Variants in ANO6 observed in about 807,000 individuals in gnomAD.
The protein encoded by ANO6 is anoctamin 6.
A neutral mutation model predicts 117.5 loss-of-function variants in ANO6; 106 were observed. That is an observed-to-expected ratio of 0.90 (90% CI 0.77 to 1.06). ANO6 has a LOEUF of 1.06. Among genes scored for constraint, ANO6 ranks in the 50% least tolerant of loss-of-function variants. The pLI is 0.00. For synonymous variants in ANO6, 367 were observed against 385.1 expected (o/e 0.95, Z 0.55); for missense variants, 955 against 1,121.1 (o/e 0.85, Z 2.12).
chr12:45,248,709 C>G (rs1227549913), intron 1 of ANO6, among the ~76,000 whole-genome samples: 1 of 152,038 alleles, frequency 6.6e-6, no homozygotes, highest in Non-Finnish European at 1.5e-5. Context: ...TGAGCCTCCA[C>G]GCCTGGCACA....
At chr12:45,398,607 A>T (rs1253243715) in intron 12 of ANO6, among the ~76,000 whole-genome samples, 2 of 152,230 alleles carry the variant, frequency 1.3e-5, no homozygotes, top group African/African-American at 4.8e-5. Context: ...GTATATATTT[A>T]TATACACACA....
At chr12:45,340,417 G>C (rs1326993862) in intron 3 of ANO6, among the ~76,000 whole-genome samples, 4 of 152,096 alleles carry the variant, frequency 2.6e-5, no homozygotes, top group African/African-American at 9.7e-5. Flanking sequence ...AATTCTAGTA[G>C]GTTAAAAAAT....
chr12:45,351,434 GGCAGGGCTGAGGAT>G (rs2137457492), intron 7 of ANO6, among the ~76,000 whole-genome samples: 1 of 152,256 alleles, frequency 6.6e-6, no homozygotes, highest in Admixed American at 6.5e-5. Flanking sequence ...ACGTTGTTTG[GGCAGGGCTGAGGAT>G]TCTGGCTTGT....
intron 19 of ANO6, among the ~76,000 whole-genome samples, chr12:45,438,398 C>A (rs1272672958): frequency 2.6e-5 from 4 of 152,018 alleles, no homozygotes; most frequent in Non-Finnish European, 5.9e-5. Context: ...CATCCCAAAT[C>A]CAAAAATCTG....
chr12:45,223,475 T>C (rs1469790863), intron 1 of ANO6, among the ~76,000 whole-genome samples: 1 of 152,166 alleles, frequency 6.6e-6, no homozygotes, highest in East Asian at 1.9e-4. Flanking sequence ...AAACACTTAG[T>C]GTTTTTCTGC....
intron 1 of ANO6, among the ~76,000 whole-genome samples, chr12:45,288,483 A>C (rs568265546): frequency 6.6e-6 from 1 of 152,322 alleles, no homozygotes; most frequent in Non-Finnish European, 1.5e-5. Context: ...TATATGTGGA[A>C]TCCTACATTC....
chr12:45,354,980 TCAATAAA>T lies in ANO6; in HGVS notation c.864-2307_864-2301del, dbSNP rs1193435885. ...ATAGGTGATGCATAAAACTGAAAAATCAATAAACAGCACTTCTCGCATGTTATTTAGA... is the reference window on the plus strand; with the variant it reads ...ATAGGTGATGCATAAAACTGAAAAATCAGCACTTCTCGCATGTTATTTAGA... On this transcript the variant is annotated intron_variant, in intron 7 of 19. Transcript: ENST00000320560. Among the ~76,000 whole-genome samples, 10 of 152,138 alleles carry T rather than the reference TCAATAAA, an allele frequency of 6.6e-5. No individual in the cohort carries two copies. In the East Asian group the frequency reaches 1.7e-3, roughly 26 times the overall value.
At chr12:45,425,842 A>G (rs1399595943) in intron 19 of ANO6, among the ~76,000 whole-genome samples, 1 of 152,236 alleles carries the variant, frequency 6.6e-6, no homozygotes, top group African/African-American at 2.4e-5. Context: ...AACCCTATTC[A>G]TTACATAGAT....
At chr12:45,339,244 A>T (rs1468660491) in intron 3 of ANO6, among the ~76,000 whole-genome samples, 1 of 152,042 alleles carries the variant, frequency 6.6e-6, no homozygotes, top group Non-Finnish European at 1.5e-5. Flanking sequence ...TTAAAAATAG[A>T]TTGTCCAGGC....
Position 45,301,438 on chromosome 12 carries a change from G to GA in ANO6, c.71-567dup, listed in dbSNP as rs546954097. On this transcript the variant is annotated intron_variant, in intron 1 of 19. Coordinates refer to ENST00000320560, the MANE Select transcript of ANO6 (RefSeq NM_001025356.3). ...TAGGGATACCCCTGTCTCTACAAAA[G>GA]AAAAAAAAATGTTTTTTAATGTTTT... Among the ~76,000 whole-genome samples the GA allele has an allele frequency of 9.7e-3, 1,443 of 149,398 alleles. 23 individuals carry two copies. Among genetic ancestry groups the GA allele is most frequent in the African/African-American group, 0.033 (1,324 of 40,614 alleles).
intron 2 of ANO6, among the ~76,000 whole-genome samples, chr12:45,319,211 C>T (rs1394477341): frequency 6.6e-6 from 1 of 152,124 alleles, no homozygotes; most frequent in Non-Finnish European, 1.5e-5. Flanking sequence ...AAAGGGAATG[C>T]TTCCAGTTTT....
Position 45,416,833 on chromosome 12 carries a change from G to C in ANO6, c.2146G>C (p.Glu716Gln). The C allele has an allele frequency of 6.2e-7, 1 of 1,614,168 alleles. No individual in the cohort carries two copies. The highest frequency in any genetic ancestry group is 8.5e-7 in the Non-Finnish European group (1 of 1,180,020). ...LTTQFRRLVP[E>Q]KAQDIGAWQP... ...CACCCAGTTTAGACGCCTGGTACCA[G>C]AGAAAGCCCAAGACATTGGAGCATG... Residue 716 changes from glutamate to glutamine, a missense_variant, in exon 17 of 20, where the codon GAG (glutamate) becomes CAG (glutamine). Transcript: ENST00000320560.
chr12:45,217,201 A>G (rs1162605438), intron 1 of ANO6, among the ~76,000 whole-genome samples: 1 of 152,182 alleles, frequency 6.6e-6, no homozygotes, highest in African/African-American at 2.4e-5. Context: ...AGAGGACTAG[A>G]GAGAAAATCA....
At chr12:45,242,580 C>T (rs1947763253) in intron 1 of ANO6, among the ~76,000 whole-genome samples, 1 of 152,208 alleles carries the variant, frequency 6.6e-6, no homozygotes, top group African/African-American at 2.4e-5. Context: ...TGGGCTGCAC[C>T]CACTGTCCAA....
chr12:45,264,303 A>G (rs1245238767), intron 1 of ANO6, among the ~76,000 whole-genome samples: 1 of 152,216 alleles, frequency 6.6e-6, no homozygotes, highest in African/African-American at 2.4e-5. Context: ...ATGCCTGTGA[A>G]CTGGAAATTA....
chr12:45,293,265 G>A (rs1482104376), intron 1 of ANO6, among the ~76,000 whole-genome samples: 2 of 152,076 alleles, frequency 1.3e-5, no homozygotes, highest in Non-Finnish European at 2.9e-5. Flanking sequence ...GCAAGGTATT[G>A]TTTCAGGTTC....
intron 1 of ANO6, among the ~76,000 whole-genome samples, chr12:45,220,248 T>G (rs953015509): frequency 5.3e-5 from 8 of 152,214 alleles, no homozygotes; most frequent in African/African-American, 1.7e-4. Flanking sequence ...GTTGGTTGGT[T>G]GCTTTGAGTT....
At chr12:45,289,137 G>T (rs775105767) in intron 1 of ANO6, among the ~76,000 whole-genome samples, 5 of 149,254 alleles carry the variant, frequency 3.3e-5, no homozygotes, top group Admixed American at 2.0e-4. Flanking sequence ...AGATCAAAGG[G>T]TATGAATTAT....
chr12:45,298,993 A>AC (rs1939390938), intron 1 of ANO6, among the ~76,000 whole-genome samples: 1 of 152,120 alleles, frequency 6.6e-6, no homozygotes, highest in African/African-American at 2.4e-5. Context: ...TAAAAAAAAA[A>AC]ACAAAAACCC....
Sources: allele counts gnomAD v4.1 joint callset (sites outside exome capture counted in the v4.1 genomes callset), GRCh38; gene constraint gnomAD v4.1.1; transcripts MANE v1.5; gene names NCBI Gene and HGNC (gene_info 2026-07-23, HGNC 2026-07-21).